Variants in ZNF644 observed in about 807,000 individuals in gnomAD.
ZNF644 encodes zinc finger protein 644.
In ZNF644, 20 loss-of-function variants were observed where a neutral mutation model predicts 108.0. The observed-to-expected ratio is 0.19, with a 90% CI of 0.13 to 0.27. ZNF644 has a LOEUF of 0.27. ZNF644 is among the 10% of genes least tolerant of loss of function. The probability of loss-of-function intolerance (pLI) is 1.00; values close to 1 mark genes in which losing one functional copy is unlikely to be tolerated. For synonymous variants in ZNF644, 542 were observed against 539.1 expected, an observed-to-expected ratio of 1.01 and a Z score of -0.08; for missense variants, 1,338 against 1,548.9, an observed-to-expected ratio of 0.86 and a Z score of 2.29.
chr1:90,964,520 G>T (rs937645917), intron 2 of ZNF644, among the ~76,000 whole-genome samples: 4 of 151,980 alleles, frequency 2.6e-5, no homozygotes, highest in African/African-American at 9.7e-5. Context: ...ATTTACAGAA[G>T]AATCAAACAT....
At chr1:90,935,501 G>A in intron 4 of ZNF644, 1 of 985,840 alleles carries the variant, frequency 1.0e-6, no homozygotes, top group Non-Finnish European at 1.2e-6. Context: ...GTATTGCAAT[G>A]CACACATGTT....
chr1:90,980,498 G>T (rs1656438630), intron 2 of ZNF644, among the ~76,000 whole-genome samples: 1 of 152,086 alleles, frequency 6.6e-6, no homozygotes, highest in Non-Finnish European at 1.5e-5. Context: ...TAAAGAGACA[G>T]GTAGAAGAAG....
At chr1:90,922,559 C>T (rs1297623604) in intron 4 of ZNF644, among the ~76,000 whole-genome samples, 1 of 152,034 alleles carries the variant, frequency 6.6e-6, no homozygotes, top group Non-Finnish European at 1.5e-5. Flanking sequence ...AAAGGATACA[C>T]AAGTGTAAGA....
chr1:90,925,972 A>G (rs1269398132), intron 4 of ZNF644, among the ~76,000 whole-genome samples: 1 of 152,104 alleles, frequency 6.6e-6, no homozygotes, highest in African/African-American at 2.4e-5. Context: ...ACAGGAGGTA[A>G]AGCAAGTCTC....
chr1:90,953,981 G>A (rs1372154104), intron 2 of ZNF644, among the ~76,000 whole-genome samples: 2 of 152,066 alleles, frequency 1.3e-5, no homozygotes, highest in African/African-American at 4.8e-5. Flanking sequence ...AATGCTAACA[G>A]TCATCTGAGC....
In ZNF644 at chr1:90,916,913, T is replaced by G; in HGVS notation, c.3869A>C (p.Asn1290Thr). 6.2e-7 allele frequency: 1 copy of G among 1,614,162 alleles called. No individual in the cohort carries two copies. ...AGCTCCAGTCCGTGGAAGATTAGCG[T>G]TTACAATATGTCGTTGTAAGTGCTT... ...WIKHLQRHIV[N>T]ANLPRTGAGM... Residue 1290 changes from asparagine (N) to threonine (T), a missense_variant, in exon 6 of 6, where the codon AAC becomes ACC. Coordinates refer to ENST00000337393, the MANE Select transcript of ZNF644 (RefSeq NM_201269.3).
chr1:90,927,063 C>T (rs1650121498), intron 4 of ZNF644, among the ~76,000 whole-genome samples: 1 of 152,102 alleles, frequency 6.6e-6, no homozygotes, highest in South Asian at 2.1e-4. Context: ...CTCTTTCAGG[C>T]ATTTCTCTTC....
chr1:90,928,337 T>TTG (rs1650303525), intron 4 of ZNF644, among the ~76,000 whole-genome samples: 1 of 90,800 alleles, frequency 1.1e-5, no homozygotes, highest in Non-Finnish European at 2.4e-5. Context: ...TTTTTTTTTT[T>TTG]GAGGAGTTTT....
At chr1:90,948,509 G>A (rs1652745329) in intron 2 of ZNF644, among the ~76,000 whole-genome samples, 1 of 152,168 alleles carries the variant, frequency 6.6e-6, no homozygotes, top group African/African-American at 2.4e-5. Context: ...CTAAAAACCT[G>A]GTGGATACCA....
intron 2 of ZNF644, among the ~76,000 whole-genome samples, chr1:90,981,813 A>G (rs565893793): frequency 2.2e-4 from 33 of 152,208 alleles, no homozygotes; most frequent in Admixed American, 1.8e-3. Flanking sequence ...ATAATTTACA[A>G]TTTTGAATAC....
At chr1:90,943,523 T>G (rs1489244890) in intron 2 of ZNF644, among the ~76,000 whole-genome samples, 1 of 152,214 alleles carries the variant, frequency 6.6e-6, no homozygotes, top group Non-Finnish European at 1.5e-5. Context: ...TATAATCTGA[T>G]CTTATTCTTT....
intron 4 of ZNF644, among the ~76,000 whole-genome samples, chr1:90,934,884 A>C (rs766843363): frequency 1.3e-5 from 2 of 152,050 alleles, no homozygotes; most frequent in African/African-American, 2.4e-5. Flanking sequence ...TCCTTTTCTA[A>C]TAAAGGATTT....
intron 1 of ZNF644, among the ~76,000 whole-genome samples, chr1:91,010,769 T>C (rs1659893427): frequency 6.6e-6 from 1 of 152,180 alleles, no homozygotes; most frequent in African/African-American, 2.4e-5. Context: ...TCTATGTATA[T>C]GCAACCCTAC....
intron 1 of ZNF644, among the ~76,000 whole-genome samples, chr1:90,985,551 C>T (rs940803044): frequency 2.6e-5 from 4 of 152,084 alleles, no homozygotes; most frequent in Admixed American, 1.3e-4. Flanking sequence ...AGTTAGATTA[C>T]GTGGTGTTTG....
chr1:91,004,949 G>GA (rs1452073498), intron 1 of ZNF644, among the ~76,000 whole-genome samples: 1 of 151,924 alleles, frequency 6.6e-6, no homozygotes, highest in African/African-American at 2.4e-5. Context: ...GAGACACATA[G>GA]AAAACAAAGA....
At chr1:90,993,818 C>G (rs1413164652) in intron 1 of ZNF644, among the ~76,000 whole-genome samples, 3 of 152,200 alleles carry the variant, frequency 2.0e-5, no homozygotes, top group African/African-American at 4.8e-5. Flanking sequence ...GACAACTTTA[C>G]TGGATCCAGC....
In ZNF644 at chr1:90,940,691, T is replaced by G; in HGVS notation, c.663A>C (p.Gln221His). The G allele has an allele frequency of 6.2e-7, 1 of 1,614,090 alleles. No homozygotes were observed. Among genetic ancestry groups the G allele is most frequent in the African/African-American group, 1.3e-5 (1 of 75,056 alleles). The change falls in exon 3 of 6, where the codon CAA becomes CAC. Residue 221 changes from glutamine (Q) to histidine (H), a missense_variant. Gln to His is a conservative substitution (Grantham distance 24). Coordinates refer to ENST00000337393, the MANE Select transcript of ZNF644 (RefSeq NM_201269.3). Reference protein sequence around the residue: ...NIKSDGTLINQVEVGEDGEDL... With the variant: ...NIKSDGTLINHVEVGEDGEDL... The stretch of plus-strand genomic sequence containing the variant: ...CTTCACCATCCTCACCCACCTCTAC[T>G]TGATTTATTAAAGTGCCATCTGACT...
At chr1:90,962,320 G>C (rs1654414126) in intron 2 of ZNF644, among the ~76,000 whole-genome samples, 1 of 151,702 alleles carries the variant, frequency 6.6e-6, no homozygotes, top group South Asian at 2.1e-4. Flanking sequence ...TAGACCAATG[G>C]GGGAAAAAAA....
intron 1 of ZNF644, among the ~76,000 whole-genome samples, chr1:90,988,746 C>T (rs888369596): frequency 1.3e-5 from 2 of 152,148 alleles, no homozygotes; most frequent in Non-Finnish European, 2.9e-5. Flanking sequence ...CATTTCTAGT[C>T]AAATGGTGTT....
Sources: allele counts gnomAD v4.1 joint callset (sites outside exome capture counted in the v4.1 genomes callset), GRCh38; gene constraint gnomAD v4.1.1; transcripts MANE v1.5; gene names NCBI Gene and HGNC (gene_info 2026-07-23, HGNC 2026-07-21).